BRINP1: variants seen among roughly 807,000 people sequenced by gnomAD.
BRINP1 encodes BMP/retinoic acid inducible neural specific 1, also known as BMP/retinoic acid-inducible neural-specific protein 1.
Under a neutral mutation model 72.9 loss-of-function variants are expected in BRINP1, and 17 were observed. The observed-to-expected ratio is 0.23, with a 90% CI of 0.16 to 0.35. The LOEUF is 0.35. Ranked by LOEUF, BRINP1 falls within the 10% of genes least tolerant of loss-of-function variation. BRINP1 has a pLI of 1.00. For synonymous variants in BRINP1, 418 were observed against 378.5 expected, an observed-to-expected ratio of 1.10 and a Z score of -1.21; for missense variants, 850 against 1,001.6, an observed-to-expected ratio of 0.85 and a Z score of 2.04.
At chr9:119,248,541 T>C (rs1283626677) in intron 3 of BRINP1, among the ~76,000 whole-genome samples, 4 of 152,216 alleles carry the variant, frequency 2.6e-5, no homozygotes, top group African/African-American at 9.6e-5. Flanking sequence ...GAGTTACAAA[T>C]GATAGCCTGT....
intron 2 of BRINP1, among the ~76,000 whole-genome samples, chr9:119,275,271 T>C (rs1203906845): frequency 6.6e-6 from 1 of 152,228 alleles, no homozygotes; most frequent in African/African-American, 2.4e-5. Flanking sequence ...GGAGATACTG[T>C]AGTTTGTTAA....
chr9:119,348,148 G>C (rs1245851860), intron 1 of BRINP1, among the ~76,000 whole-genome samples: 4 of 152,088 alleles, frequency 2.6e-5, no homozygotes, highest in African/African-American at 9.7e-5. Flanking sequence ...ATTCTCCCTT[G>C]ATAACTACTG....
chr9:119,291,450 TTCTC>T (rs889116587), intron 2 of BRINP1, among the ~76,000 whole-genome samples: 3 of 152,194 alleles, frequency 2.0e-5, no homozygotes, highest in African/African-American at 4.8e-5. Context: ...TATCCAGGTG[TTCTC>T]TCTGTCTTCT....
intron 7 of BRINP1, among the ~76,000 whole-genome samples, chr9:119,193,012 A>G (rs1167543795): frequency 1.3e-5 from 2 of 152,106 alleles, no homozygotes; most frequent in African/African-American, 4.8e-5. Context: ...TAACCTACCC[A>G]TGTCTTACTG....
intron 1 of BRINP1, among the ~76,000 whole-genome samples, chr9:119,351,083 G>A (rs978398046): frequency 4.0e-5 from 6 of 151,728 alleles, no homozygotes; most frequent in South Asian, 2.1e-4. Context: ...CCCAACCCCC[G>A]ACAGGCCCAG....
intron 1 of BRINP1, among the ~76,000 whole-genome samples, chr9:119,317,023 G>A (rs761780193): frequency 9.2e-5 from 14 of 151,690 alleles, no homozygotes; most frequent in East Asian, 1.9e-4. Context: ...CCCGGGAGGC[G>A]GAGGTCGCCG....
At chr9:119,173,563 T>A (rs1023827292) in intron 7 of BRINP1, among the ~76,000 whole-genome samples, 2 of 152,144 alleles carry the variant, frequency 1.3e-5, no homozygotes, top group African/African-American at 4.8e-5. Flanking sequence ...CTGGCCATAC[T>A]GCCCAAGGTA....
Position 119,249,088 on chromosome 9 carries a change from G to C in BRINP1, c.281C>G (p.Pro94Arg). ...TTGAAACTCCGGCATGAGGGGCACTGGATGGCGGACCAGATCTCTCCTCTC... is the reference window on the plus strand; with the variant it reads ...TTGAAACTCCGGCATGAGGGGCACTCGATGGCGGACCAGATCTCTCCTCTC... Reference protein sequence around the residue: ...AIERRDLVRHPVPLMPEFQRS... With the variant: ...AIERRDLVRHRVPLMPEFQRS... The change falls in exon 3 of 8, where the codon CCA becomes CGA. Residue 94 changes from proline (P) to arginine (R), a missense_variant. Transcript: ENST00000265922. 1 of 1,614,098 alleles carries C rather than the reference G, an allele frequency of 6.2e-7. No homozygotes were observed. Among genetic ancestry groups the C allele is most frequent in the Non-Finnish European group, 8.5e-7 (1 of 1,180,018 alleles).
At chr9:119,310,549 T>C (rs187508300) in intron 2 of BRINP1, among the ~76,000 whole-genome samples, 73 of 152,238 alleles carry the variant, frequency 4.8e-4, no homozygotes, top group Admixed American at 7.2e-4. Flanking sequence ...CCTAGTTAAA[T>C]AAGGAGAGAA....
intron 5 of BRINP1, among the ~76,000 whole-genome samples, chr9:119,233,012 C>A (rs1293500453): frequency 7.3e-6 from 1 of 136,314 alleles, no homozygotes; most frequent in African/African-American, 2.8e-5. Flanking sequence ...CTCCTCCAAT[C>A]CTGTTCTTTC....
chr9:119,316,554 T>C (rs1382364842), intron 1 of BRINP1, among the ~76,000 whole-genome samples: 1 of 152,124 alleles, frequency 6.6e-6, no homozygotes, highest in Non-Finnish European at 1.5e-5. Flanking sequence ...AATGCTCACC[T>C]ACCATTCCAA....
In BRINP1 at chr9:119,313,338, A is replaced by T; in HGVS notation, c.18T>A (p.Val6=). Reference sequence around the variant, plus strand: ...ATATAAACAGGAAGTAGAGGAGCTCAACAAACCTCCAGTTCATGCTTTTCT... The same window carrying T: ...ATATAAACAGGAAGTAGAGGAGCTCTACAAACCTCCAGTTCATGCTTTTCT... MNWRF[V]ELLYFLFIWG... Residue 6 remains valine (V), a synonymous_variant, in exon 2 of 8, where the codon GTT becomes GTA. Coordinates refer to ENST00000265922, the MANE Select transcript of BRINP1 (RefSeq NM_014618.3). 6.2e-7 allele frequency: 1 copy of T among 1,613,790 alleles called. No homozygotes were observed. Among genetic ancestry groups the T allele is most frequent in the Middle Eastern group, 1.7e-4 (1 of 5,858 alleles).
chr9:119,327,020 C>T (rs901882258), intron 1 of BRINP1, among the ~76,000 whole-genome samples: 2 of 152,100 alleles, frequency 1.3e-5, no homozygotes, highest in Non-Finnish European at 2.9e-5. Flanking sequence ...ACAAACATTT[C>T]CCAGTTGCTG....
At chr9:119,363,793 T>C (rs1465428756) in intron 1 of BRINP1, among the ~76,000 whole-genome samples, 1 of 152,296 alleles carries the variant, frequency 6.6e-6, no homozygotes, top group East Asian at 1.9e-4. Context: ...TTAATATAAG[T>C]TAAATAAAAT....
At chr9:119,273,601 A>G (rs183871886) in intron 2 of BRINP1, among the ~76,000 whole-genome samples, 1 of 152,316 alleles carries the variant, frequency 6.6e-6, no homozygotes, top group Admixed American at 6.5e-5. Context: ...TGCAAAGCCC[A>G]GCACAATGCT....
chr9:119,286,749 C>T (rs1830765367), intron 2 of BRINP1, among the ~76,000 whole-genome samples: 1 of 152,120 alleles, frequency 6.6e-6, no homozygotes, highest in Non-Finnish European at 1.5e-5. Flanking sequence ...GACAGTCATG[C>T]CTGCTATACA....
intron 5 of BRINP1, among the ~76,000 whole-genome samples, chr9:119,229,635 C>T (rs575538952): frequency 3.0e-4 from 45 of 152,148 alleles, no homozygotes; most frequent in African/African-American, 1.0e-3. Context: ...ATGGTATGAC[C>T]CTTCCTGGAA....
intron 7 of BRINP1, among the ~76,000 whole-genome samples, chr9:119,185,790 T>C (rs1282204283): frequency 6.6e-6 from 1 of 152,086 alleles, no homozygotes; most frequent in Non-Finnish European, 1.5e-5. Flanking sequence ...CTGCCTGGAG[T>C]TTGCACAGCT....
chr9:119,294,160 T>TTTC (rs1275789166), intron 2 of BRINP1, among the ~76,000 whole-genome samples: 3 of 152,162 alleles, frequency 2.0e-5, no homozygotes, highest in Admixed American at 6.5e-5. Flanking sequence ...AACAACCCCA[T>TTTC]TTACAATAGT....
Sources: gnomAD v4.1 joint callset for allele counts (sites outside exome capture counted in the v4.1 genomes callset) on GRCh38, gnomAD v4.1.1 for gene constraint, MANE v1.5 for transcripts, NCBI Gene and HGNC (gene_info 2026-07-23, HGNC 2026-07-21) for gene names.